Variants in SRRM4 observed in about 807,000 individuals in gnomAD.
The protein encoded by SRRM4 is serine/arginine repetitive matrix 4, also known as serine/arginine repetitive matrix protein 4.
SRRM4 carries 33 observed loss-of-function variants against 68.9 expected under a neutral mutation model. The observed-to-expected ratio is 0.48, with a 90% CI of 0.36 to 0.64. The LOEUF is 0.64. Ranked by LOEUF, SRRM4 falls within the 30% of genes least tolerant of loss-of-function variation. SRRM4 has a pLI of 0.00. For synonymous variants in SRRM4, 318 were observed against 318.8 expected (o/e 1.00, Z 0.03); for missense variants, 817 against 827.1 (o/e 0.99, Z 0.15).
rs534323168 is a variant in SRRM4, at chr12:119,075,637, A to AATG, written c.132-26586_132-26584dup. On this transcript the variant is annotated intron_variant, in intron 1 of 12. Transcript: ENST00000267260. ...TGGTGATGGTGATGATGATAGTGGTAATGATGATGATGATGGTAGCGATGA... is the reference window on the plus strand; with the variant it reads ...TGGTGATGGTGATGATGATAGTGGTAATGATGATGATGATGATGGTAGCGATGA... 7.6e-3 allele frequency among the ~76,000 whole-genome samples: 671 copies of AATG among 87,858 alleles called. 2 individuals are homozygous for AATG. Among genetic ancestry groups the AATG allele is most frequent in the Middle Eastern group, 0.028 (3 of 108 alleles). 57.6% of individuals were successfully genotyped at this position (87,858 alleles called of 152,430 possible). A position where few individuals can be genotyped will look rare whatever the true frequency, so the allele number is the denominator to read the frequency against.
At chr12:119,149,419 C>T (rs530799289) in intron 9 of SRRM4, among the ~76,000 whole-genome samples, 1 of 152,144 alleles carries the variant, frequency 6.6e-6, no homozygotes, top group South Asian at 2.1e-4. Flanking sequence ...ATTCTCAGAA[C>T]ATTGAAAAGG....
intron 1 of SRRM4, among the ~76,000 whole-genome samples, chr12:119,045,404 G>C (rs1020430539): frequency 6.6e-6 from 1 of 151,794 alleles, no homozygotes; most frequent in African/African-American, 2.4e-5. Context: ...AGGGCAGAGT[G>C]TGTTATAATC....
chr12:119,155,868 A>G (rs1954468131), intron 12 of SRRM4, among the ~76,000 whole-genome samples: 1 of 152,250 alleles, frequency 6.6e-6, no homozygotes, highest in Non-Finnish European at 1.5e-5. Flanking sequence ...TGTTGGTATT[A>G]TTATTATCTT....
chr12:119,023,522 G>C (rs1387525175), intron 1 of SRRM4, among the ~76,000 whole-genome samples: 6 of 152,188 alleles, frequency 3.9e-5, no homozygotes, highest in Non-Finnish European at 8.8e-5. Flanking sequence ...GCTAAGGGCT[G>C]TTAGTTGTGT....
intron 1 of SRRM4, among the ~76,000 whole-genome samples, chr12:119,004,960 C>G (rs1237093135): frequency 1.3e-5 from 2 of 150,470 alleles, no homozygotes; most frequent in East Asian, 2.4e-4. Context: ...GGGCACCCAA[C>G]TGGTTCACCC....
intron 8 of SRRM4, among the ~76,000 whole-genome samples, chr12:119,136,507 T>C (rs1954329223): frequency 6.6e-6 from 1 of 152,070 alleles, no homozygotes; most frequent in Admixed American, 6.6e-5. Context: ...TAATGGGAAG[T>C]GACATAGCAT....
intron 1 of SRRM4, among the ~76,000 whole-genome samples, chr12:119,042,062 C>G (rs896962630): frequency 6.6e-6 from 1 of 152,168 alleles, no homozygotes; most frequent in African/African-American, 2.4e-5. Context: ...AGTCCAATGC[C>G]TTCATTTCGC....
intron 7 of SRRM4, among the ~76,000 whole-genome samples, chr12:119,129,271 AT>A (rs1789925538): frequency 6.6e-6 from 1 of 152,222 alleles, no homozygotes; most frequent in Non-Finnish European, 1.5e-5. Context: ...ATAATGTGCT[AT>A]TTTTATTACT....
intron 1 of SRRM4, among the ~76,000 whole-genome samples, chr12:119,058,514 G>T (rs1953791022): frequency 6.6e-6 from 1 of 152,160 alleles, no homozygotes; most frequent in African/African-American, 2.4e-5. Context: ...AGCTGGAAAT[G>T]GAATTTAGGT....
intron 6 of SRRM4, among the ~76,000 whole-genome samples, chr12:119,122,827 G>A (rs1346653455): frequency 6.6e-6 from 1 of 152,318 alleles, no homozygotes; most frequent in African/African-American, 2.4e-5. Context: ...GTGCACGTGT[G>A]TGAGCATGTG....
intron 7 of SRRM4, among the ~76,000 whole-genome samples, chr12:119,125,733 A>T (rs1954254729): frequency 6.6e-6 from 1 of 152,034 alleles, no homozygotes; most frequent in Admixed American, 6.5e-5. Context: ...CAGCCTGGCC[A>T]ATATGGTGAA....
At chr12:119,152,942 G>A (rs979685439) in intron 10 of SRRM4, among the ~76,000 whole-genome samples, 1 of 152,176 alleles carries the variant, frequency 6.6e-6, no homozygotes, top group Non-Finnish European at 1.5e-5. Context: ...TTGGCTTAGA[G>A]GCAAACAGTC....
chr12:118,987,197 C>T (rs985536779), intron 1 of SRRM4, among the ~76,000 whole-genome samples: 2 of 152,282 alleles, frequency 1.3e-5, no homozygotes, highest in Admixed American at 6.5e-5. Flanking sequence ...TGAAATACTC[C>T]TCTGTTGGGG....
chr12:119,008,990 T>A (rs895195696), intron 1 of SRRM4, among the ~76,000 whole-genome samples: 1 of 151,996 alleles, frequency 6.6e-6, no homozygotes, highest in African/African-American at 2.4e-5. Context: ...AAATCTGTAA[T>A]GAATCCGTGG....
At chr12:119,120,105 C>T (rs1047019953) in intron 4 of SRRM4, 145 bp from the exon 5 acceptor site, 1 of 615,150 alleles carries the variant, frequency 1.6e-6, no homozygotes. Context: ...TTTCCCCTCC[C>T]TCCCTTCCTT....
chr12:119,156,465 C>A, intron 12 of SRRM4, 30 bp from the exon 13 acceptor site: 1 of 1,558,880 alleles, frequency 6.4e-7, no homozygotes, highest in Non-Finnish European at 8.7e-7. Flanking sequence ...AGGGGCCGGC[C>A]CTCATCCCTC....
rs1317398386 is a variant in SRRM4 at position 119,114,335 on chromosome 12, G to T, written c.336G>T (p.Lys112Asn). The T allele has an allele frequency of 1.9e-6, 3 of 1,610,862 alleles. No homozygotes were observed. The highest frequency in any genetic ancestry group is 2.5e-6 in the Non-Finnish European group (3 of 1,178,674). Residue 112 changes from lysine to asparagine, a missense_variant, in exon 3 of 13, where the codon AAG (lysine) becomes AAT (asparagine). By Grantham distance (94) the Lys-to-Asn change is moderately conservative. Transcript: ENST00000267260. ...PPPSSRGKKK[K>N]KKSTRKKRRR... ...CTTCCTCCAGGGGAAAGAAGAAAAA[G>T]AAGAAATCCACTCGGAAGAAGAGAA...
At chr12:119,075,695 AAGATGG>A (rs1953906834) in intron 1 of SRRM4, among the ~76,000 whole-genome samples, 1 of 148,080 alleles carries the variant, frequency 6.8e-6, no homozygotes, top group African/African-American at 2.5e-5. Flanking sequence ...GGTGATGATG[AAGATGG>A]TGATGATGGT....
chr12:119,100,873 C>A (rs959745512), intron 1 of SRRM4, among the ~76,000 whole-genome samples: 3 of 152,140 alleles, frequency 2.0e-5, no homozygotes, highest in Non-Finnish European at 2.9e-5. Context: ...GAAGGGAGTT[C>A]TGGAAGCACA....
Sources: gnomAD v4.1 joint callset for allele counts (sites outside exome capture counted in the v4.1 genomes callset) on GRCh38, gnomAD v4.1.1 for gene constraint, MANE v1.5 for transcripts, NCBI Gene and HGNC (gene_info 2026-07-23, HGNC 2026-07-21) for gene names.